IGSF11: variants seen among roughly 807,000 people sequenced by gnomAD.
The protein encoded by IGSF11 is immunoglobulin superfamily member 11, also known as CXADR like 1.
A neutral mutation model predicts 41.0 loss-of-function variants in IGSF11; 22 were observed. The ratio of observed to expected loss-of-function variants is 0.54; its 90% CI spans 0.38 to 0.77. IGSF11 has a LOEUF of 0.77. Ranked by LOEUF, IGSF11 falls within the 30% of genes least tolerant of loss-of-function variation. IGSF11 has a pLI of 0.00. For synonymous variants in IGSF11, 219 were observed against 201.3 expected, an observed-to-expected ratio of 1.09 and a Z score of -0.74; for missense variants, 444 against 530.8, an observed-to-expected ratio of 0.84 and a Z score of 1.61.
chr3:119,016,232 G>A (rs940905518), intron 1 of IGSF11, among the ~76,000 whole-genome samples: 4 of 152,212 alleles, frequency 2.6e-5, no homozygotes, highest in African/African-American at 9.7e-5. Flanking sequence ...CCAGGAGCGA[G>A]GCTGTAAGGG....
Position 119,135,204 on chromosome 3 carries a change from T to A in IGSF11, c.-14+10609A>T, listed in dbSNP as rs539454336. On this transcript the variant is annotated intron_variant, in intron 1 of 7. Coordinates refer to the IGSF11 transcript ENST00000425327. ...AAGCAATGGCAACAAAAGCCAAAAT[T>A]GACAAATGGGATCTAATTAAACTAA... Among the ~76,000 whole-genome samples, 76 of 152,228 alleles carry A rather than the reference T, an allele frequency of 5.0e-4. 1 individual carries two copies. The highest frequency in any genetic ancestry group is 1.8e-3 in the African/African-American group (74 of 41,540).
intron 1 of IGSF11, among the ~76,000 whole-genome samples, chr3:118,969,661 A>G (rs183665764): frequency 1.3e-5 from 2 of 152,312 alleles, no homozygotes; most frequent in Non-Finnish European, 1.5e-5. Flanking sequence ...TGTACAACTG[A>G]ACTTAATCTC....
At chr3:118,982,991 G>A (rs1170176060) in intron 1 of IGSF11, among the ~76,000 whole-genome samples, 1 of 152,104 alleles carries the variant, frequency 6.6e-6, no homozygotes, top group African/African-American at 2.4e-5. Context: ...ATGGCAAAGG[G>A]CTTTGAGTCA....
At chr3:119,051,149 TAATTAATAAATA>T (rs1941609545) in intron 1 of IGSF11, among the ~76,000 whole-genome samples, 1 of 149,386 alleles carries the variant, frequency 6.7e-6, no homozygotes. Context: ...AGTATAATAA[TAATTAATAAATA>T]AATAAATAAA....
At position 118,922,938 on chromosome 3, in the gene IGSF11, C is replaced by T. The variant is rs1004172558; in HGVS notation, c.580+3163G>A. Among the ~76,000 whole-genome samples, 5 of 152,238 alleles carry T rather than the reference C, an allele frequency of 3.3e-5. No homozygotes were observed. The South Asian group carries it at 1.0e-3, about 32-fold the overall frequency. Reference sequence around the variant, plus strand: ...ACTATAGAACATGCTGGGAATGCAACATCCTGAGTTAAGAAGGAACTGACT... The same window carrying T: ...ACTATAGAACATGCTGGGAATGCAATATCCTGAGTTAAGAAGGAACTGACT... On this transcript the variant is annotated intron_variant, in intron 4 of 6. Coordinates refer to ENST00000393775, the MANE Select transcript of IGSF11 (RefSeq NM_001015887.3).
upstream of IGSF11, among the ~76,000 whole-genome samples, chr3:119,036,999 C>A (rs568027313): frequency 6.6e-6 from 1 of 152,286 alleles, no homozygotes; most frequent in Non-Finnish European, 1.5e-5. Context: ...CAGAAGAAAG[C>A]AGATCAGGAG....
chr3:119,105,096 T>A (rs1358480207), intron 1 of IGSF11: 1 of 1,251,034 alleles, frequency 8.0e-7, no homozygotes, highest in South Asian at 1.2e-5. Flanking sequence ...CCATAAGAGA[T>A]AATAACCACT....
rs79336132 is a variant in IGSF11, at chr3:119,068,763, C to A, written c.49+36381G>T. Among the ~76,000 whole-genome samples the A allele has an allele frequency of 4.7e-3, 709 of 152,112 alleles. 13 individuals carry two copies. The highest frequency in any genetic ancestry group is 0.016 in the African/African-American group (678 of 41,516). On this transcript the variant is annotated intron_variant, in intron 1 of 6. Coordinates refer to the IGSF11 transcript ENST00000354673. ...CTTTAGAAATAAGTTTTAAGCAGAACAGTATTTTAAAATAGCTTCATACTG... is the reference window on the plus strand; with the variant it reads ...CTTTAGAAATAAGTTTTAAGCAGAAAAGTATTTTAAAATAGCTTCATACTG...
At chr3:118,903,221 G>A (rs1939132305) in intron 6 of IGSF11, among the ~76,000 whole-genome samples, 1 of 152,040 alleles carries the variant, frequency 6.6e-6, no homozygotes, top group Admixed American at 6.6e-5. Context: ...AGATCTCTCA[G>A]AGAATGTCTC....
chr3:118,935,268 C>T (rs1046122341), intron 1 of IGSF11, among the ~76,000 whole-genome samples: 2 of 140,906 alleles, frequency 1.4e-5, no homozygotes, highest in South Asian at 2.3e-4. Flanking sequence ...TAAATATATA[C>T]ACACACCCTG....
chr3:119,000,726 G>T (rs190900204), intron 1 of IGSF11, among the ~76,000 whole-genome samples: 1 of 152,018 alleles, frequency 6.6e-6, no homozygotes, highest in South Asian at 2.1e-4. Flanking sequence ...AAGGGAGAAG[G>T]GCATTAACAA....
At chr3:119,071,563 C>A (rs945125797) in intron 1 of IGSF11, among the ~76,000 whole-genome samples, 6 of 152,132 alleles carry the variant, frequency 3.9e-5, no homozygotes, top group Non-Finnish European at 7.3e-5. Flanking sequence ...TGTCCAAGCA[C>A]CATTTGTTGA....
intron 1 of IGSF11, among the ~76,000 whole-genome samples, chr3:119,041,811 T>C (rs60544991): frequency 2.4e-4 from 36 of 152,264 alleles, no homozygotes; most frequent in African/African-American, 8.7e-4. Flanking sequence ...TTAAAATCCT[T>C]CTAAAAATAA....
At chr3:118,904,943 T>C in intron 5 of IGSF11, 145 bp from the exon 6 acceptor site, 1 of 646,258 alleles carries the variant, frequency 1.5e-6, no homozygotes, top group East Asian at 3.0e-5. Context: ...CTATATAAAG[T>C]TAAACCTCAA....
intron 1 of IGSF11, among the ~76,000 whole-genome samples, chr3:119,047,694 A>C (rs1405596217): frequency 6.6e-6 from 1 of 152,060 alleles, no homozygotes; most frequent in Non-Finnish European, 1.5e-5. Context: ...CAGAATATAC[A>C]TTTTTTTCAG....
intron 1 of IGSF11, among the ~76,000 whole-genome samples, chr3:119,132,649 AG>A (rs1299426649): frequency 6.6e-6 from 1 of 152,186 alleles, no homozygotes; most frequent in East Asian, 1.9e-4. Context: ...CACTGTCAAT[AG>A]TAGACAGATC....
At chr3:118,968,142 T>C (rs1367182085) in intron 1 of IGSF11, among the ~76,000 whole-genome samples, 2 of 152,222 alleles carry the variant, frequency 1.3e-5, no homozygotes, top group African/African-American at 4.8e-5. Context: ...AAATAATACA[T>C]GTTTTATGGG....
intron 1 of IGSF11, among the ~76,000 whole-genome samples, chr3:119,045,114 C>G (rs116067125): frequency 6.6e-6 from 1 of 152,294 alleles, no homozygotes; most frequent in African/African-American, 2.4e-5. Flanking sequence ...AATGGCAGAA[C>G]GGATAAAATC....
intron 4 of IGSF11, among the ~76,000 whole-genome samples, chr3:118,911,774 T>A (rs1237171570): frequency 6.6e-6 from 1 of 151,940 alleles, no homozygotes; most frequent in Non-Finnish European, 1.5e-5. Flanking sequence ...TTCCTGAGTG[T>A]TACAACCACG....
Sources: allele counts gnomAD v4.1 joint callset (sites outside exome capture counted in the v4.1 genomes callset), GRCh38; gene constraint gnomAD v4.1.1; transcripts MANE v1.5; gene names NCBI Gene and HGNC (gene_info 2026-07-23, HGNC 2026-07-21).